TPTE2: variants seen among roughly 807,000 people sequenced by gnomAD.
TPTE2 encodes the protein transmembrane phosphoinositide 3-phosphatase and tensin homolog 2.
Under a neutral mutation model 78.6 loss-of-function variants are expected in TPTE2, and 53 were observed. The ratio of observed to expected loss-of-function variants is 0.67; its 90% CI spans 0.54 to 0.85. The LOEUF (loss-of-function observed/expected upper bound fraction) is 0.85. Ranked by LOEUF, TPTE2 falls within the 40% of genes least tolerant of loss-of-function variation. The probability of loss-of-function intolerance (pLI) is 0.00; values close to 1 mark genes in which losing one functional copy is unlikely to be tolerated. For synonymous variants in TPTE2, 175 were observed against 206.2 expected (o/e 0.85, Z 1.30); for missense variants, 461 against 623.0 (o/e 0.74, Z 2.77).
At chr13:19,537,291 T>C (rs35271251), upstream of TPTE2, among the ~76,000 whole-genome samples, 3,210 of 151,134 alleles carry the variant, frequency 0.021, 49 homozygotes, top group Middle Eastern at 0.035. Flanking sequence ...TGGAGTGCAG[T>C]GGCGCGATCT....
the TPTE2 span, among the ~76,000 whole-genome samples, chr13:19,556,230 C>G: frequency 3.9e-5 from 6 of 152,116 alleles, no homozygotes; most frequent in Non-Finnish European, 7.4e-5. Flanking sequence ...TTTTGCAATA[C>G]AAGAAGGGGG....
chr13:19,552,159 G>C, the TPTE2 span, among the ~76,000 whole-genome samples: 1 of 152,162 alleles, frequency 6.6e-6, no homozygotes, highest in African/African-American at 2.4e-5. Flanking sequence ...TAGTGCAATG[G>C]TTTTATGACT....
chr13:19,484,083 G>GT (rs1178167772), intron 3 of TPTE2, among the ~76,000 whole-genome samples: 1 of 152,242 alleles, frequency 6.6e-6, no homozygotes, highest in African/African-American at 2.4e-5. Context: ...CATGTCCTTT[G>GT]TAGGGACATG....
At chr13:19,540,067 C>G (rs544607515), upstream of TPTE2, among the ~76,000 whole-genome samples, 17 of 152,158 alleles carry the variant, frequency 1.1e-4, no homozygotes, top group African/African-American at 4.1e-4. Flanking sequence ...TCACTTGAAC[C>G]CAGGAGGTGG....
chr13:19,482,025 G>A (rs1428369423), intron 4 of TPTE2, among the ~76,000 whole-genome samples: 1 of 151,980 alleles, frequency 6.6e-6, no homozygotes, highest in East Asian at 1.9e-4. Context: ...AGTGAGATTA[G>A]AAACAAATAA....
intron 19 of TPTE2, 33 bp from the exon 23 acceptor site, chr13:19,423,197 T>C (rs758601093): frequency 1.0e-5 from 16 of 1,553,356 alleles, no homozygotes; most frequent in East Asian, 7.1e-5. Context: ...ACATTTTATA[T>C]TGGGGCTCAC....
At chr13:19,503,323 A>G, upstream of TPTE2, 1 of 1,605,442 alleles carries the variant, frequency 6.2e-7, no homozygotes, top group Non-Finnish European at 8.5e-7. Context: ...ACACAATTCA[A>G]AATTTACTTT....
At chr13:19,505,411 G>A (rs1209514296), upstream of TPTE2, among the ~76,000 whole-genome samples, 2 of 152,060 alleles carry the variant, frequency 1.3e-5, no homozygotes, top group African/African-American at 4.8e-5. Flanking sequence ...AAAGTGCTGG[G>A]ATTACAGATA....
chr13:19,488,167 A>G (rs1442847431), intron 3 of TPTE2, among the ~76,000 whole-genome samples: 3 of 152,136 alleles, frequency 2.0e-5, no homozygotes, highest in Non-Finnish European at 2.9e-5. Flanking sequence ...TTAGACGTGT[A>G]TTTGTTGCCT....
intron 9 of TPTE2, 23 bp downstream of exon 12, chr13:19,465,232 A>G (rs750915335): frequency 2.5e-6 from 4 of 1,613,718 alleles, no homozygotes; most frequent in Non-Finnish European, 3.4e-6. Context: ...ATACAAGTAA[A>G]TCAACCATTA....
chr13:19,478,387 G>A lies in TPTE2; in HGVS notation c.180-2764C>T, dbSNP rs575852369. Among the ~76,000 whole-genome samples the A allele has an allele frequency of 3.6e-3, 553 of 152,338 alleles. 3 individuals are homozygous for A. Among genetic ancestry groups the A allele is most frequent in the Non-Finnish European group, 5.0e-3 (342 of 68,038 alleles). ...ACACTTCTCAAAAGAAGACATTTATGCAGCCAACAGACACATGAAAAATTG... is the reference window on the plus strand; with the variant it reads ...ACACTTCTCAAAAGAAGACATTTATACAGCCAACAGACACATGAAAAATTG... On this transcript the variant is annotated intron_variant, in intron 4 of 19. Transcript: ENST00000400230.
At chr13:19,425,979 A>C in intron 18 of TPTE2, 1 of 391,246 alleles carries the variant, frequency 2.6e-6, no homozygotes. Flanking sequence ...GGATTGCTTG[A>C]GCCCAGGAGG....
intron 13 of TPTE2, among the ~76,000 whole-genome samples, chr13:19,449,014 A>C (rs1878013028): frequency 6.6e-6 from 1 of 152,332 alleles, no homozygotes; most frequent in East Asian, 1.9e-4. Flanking sequence ...ACATTATGCT[A>C]AGTGAAATAA....
chr13:19,463,050 C>G (rs908384627), intron 10 of TPTE2, among the ~76,000 whole-genome samples: 31 of 152,040 alleles, frequency 2.0e-4, no homozygotes, highest in African/African-American at 7.5e-4. Flanking sequence ...GTGGCACAAT[C>G]TTGGCTCACT....
At chr13:19,460,467 G>T (rs1016008142) in intron 10 of TPTE2, among the ~76,000 whole-genome samples, 40 of 152,298 alleles carry the variant, frequency 2.6e-4, no homozygotes, top group African/African-American at 8.9e-4. Flanking sequence ...ATTCCTCTTT[G>T]TGAGCGCGGC....
the TPTE2 span, among the ~76,000 whole-genome samples, chr13:19,548,360 A>C: frequency 0.63 from 84,729 of 134,714 alleles, 29,478 homozygotes; most frequent in East Asian, 0.87. Context: ...CAGTTAGCAC[A>C]TACCTAATAA....
intron 13 of TPTE2, among the ~76,000 whole-genome samples, chr13:19,447,837 A>G (rs1300408148): frequency 1.3e-5 from 2 of 152,174 alleles, no homozygotes; most frequent in African/African-American, 4.8e-5. Flanking sequence ...CCCCATTTTA[A>G]CCCCACCAAT....
At chr13:19,513,737 AG>A (rs754935997) in intron 1 of TPTE2, among the ~76,000 whole-genome samples, 3 of 152,206 alleles carry the variant, frequency 2.0e-5, no homozygotes, top group Non-Finnish European at 2.9e-5. Flanking sequence ...CTCTCAAAAA[AG>A]TTTAATGAAT....
intron 19 of TPTE2, among the ~76,000 whole-genome samples, chr13:19,423,629 A>T (rs1875772254): frequency 6.6e-6 from 1 of 152,224 alleles, no homozygotes; most frequent in Non-Finnish European, 1.5e-5. Flanking sequence ...CTAGGCATAA[A>T]TTGGTTAACC....
Sources: gnomAD v4.1 joint callset for allele counts (sites outside exome capture counted in the v4.1 genomes callset) on GRCh38, gnomAD v4.1.1 for gene constraint, MANE v1.5 for transcripts, NCBI Gene and HGNC (gene_info 2026-07-23, HGNC 2026-07-21) for gene names.